KCNQ4: variants seen among roughly 807,000 people sequenced by gnomAD.
The protein encoded by KCNQ4 is potassium voltage-gated channel subfamily Q member 4.
KCNQ4 carries 31 observed loss-of-function variants against 72.6 expected under a neutral mutation model. That is an observed-to-expected ratio of 0.43 (90% CI 0.32 to 0.58). The LOEUF is 0.58. Among genes scored for constraint, KCNQ4 ranks in the 20% least tolerant of loss-of-function variants. KCNQ4 has a pLI of 0.08. For missense variants in KCNQ4, 869 were observed against 962.6 expected (o/e 0.90, Z 1.29); for synonymous variants, 405 against 403.7 (o/e 1.00, Z -0.04).
At chr1:40,799,113 C>A (rs548607682) in intron 1 of KCNQ4, among the ~76,000 whole-genome samples, 1 of 152,388 alleles carries the variant, frequency 6.6e-6, no homozygotes, top group South Asian at 2.1e-4. Context: ...GCAGCCCCAG[C>A]TCAGATCCCT....
chr1:40,833,407 T>TA (rs760155849), intron 11 of KCNQ4, among the ~76,000 whole-genome samples: 1,816 of 145,536 alleles, frequency 0.012, 31 homozygotes, highest in African/African-American at 0.043. Context: ...TGAAACTGTA[T>TA]AAAAAAAAAA....
chr1:40,794,240 G>C lies in KCNQ4; in HGVS notation c.314+9833G>C, dbSNP rs2148298128. Among the ~76,000 whole-genome samples the C allele has an allele frequency of 6.6e-6, 1 of 152,318 alleles. No homozygotes were observed. The highest frequency in any genetic ancestry group is 2.1e-4 in the South Asian group (1 of 4,824). ...CAAGACCTGCAGAGCACAGGGCCTTGATTGACAGGCTGTGGAGGTGGGCCT... is the reference window on the plus strand; with the variant it reads ...CAAGACCTGCAGAGCACAGGGCCTTCATTGACAGGCTGTGGAGGTGGGCCT... On this transcript the variant is annotated intron_variant, in intron 1 of 13. Coordinates refer to ENST00000347132, the MANE Select transcript of KCNQ4 (RefSeq NM_004700.4). The surrounding 1 kb of genome is among the most constrained non-coding windows in gnomAD (Gnocchi z 4.2).
rs1362768846 is a variant in KCNQ4 at position 40,831,292 on chromosome 1, A to C, written c.1501A>C (p.Thr501Pro). The C allele has an allele frequency of 3.1e-6, 5 of 1,597,964 alleles. No homozygotes were observed. Among genetic ancestry groups the C allele is most frequent in the Non-Finnish European group, 3.4e-6 (4 of 1,172,628 alleles). The change falls in exon 10 of 14, where the codon ACC becomes CCC. Residue 501 changes from threonine to proline, a missense_variant. This residue lies in a region of KCNQ4 where 480 missense variants were observed against 501.9 expected (regional missense o/e 0.96). Transcript: ENST00000347132. ...GGCATCTCTGAGACTCAAACCCCGC[A>C]CCTCTGCTGAGGGTAAGCCCCCGGG... ...FRASLRLKPR[T>P]SAEDAPSEEV...
At chr1:40,825,104 G>C (rs1016543776) in intron 9 of KCNQ4, among the ~76,000 whole-genome samples, 3 of 152,212 alleles carry the variant, frequency 2.0e-5, no homozygotes, top group Non-Finnish European at 2.9e-5. Context: ...CTCTTGTAGA[G>C]GTTTAGCTTT....
chr1:40,792,171 G>A (rs1417775678), intron 1 of KCNQ4, among the ~76,000 whole-genome samples: 1 of 152,168 alleles, frequency 6.6e-6, no homozygotes, highest in Non-Finnish European at 1.5e-5. Flanking sequence ...CTGTCTTTGG[G>A]TTTATTTTTT....
chr1:40,837,804 G>C lies in KCNQ4; in HGVS notation c.1875+10G>C. 1 of 1,603,712 alleles carries C rather than the reference G, an allele frequency of 6.2e-7. No individual in the cohort carries two copies. The highest frequency in any genetic ancestry group is 1.1e-5 in the South Asian group (1 of 89,124). ...CAAGGTGGAGAAGCAGGTGAGTGTAGGATGGGGTGGCGGAGCTGGCCATAC... is the reference window on the plus strand; with the variant it reads ...CAAGGTGGAGAAGCAGGTGAGTGTACGATGGGGTGGCGGAGCTGGCCATAC... On this transcript the variant is annotated intron_variant, in intron 13 of 13. Coordinates refer to ENST00000347132, the MANE Select transcript of KCNQ4 (RefSeq NM_004700.4).
At chr1:40,800,556 T>G (rs1398624633) in intron 1 of KCNQ4, among the ~76,000 whole-genome samples, 1 of 152,140 alleles carries the variant, frequency 6.6e-6, no homozygotes, top group Non-Finnish European at 1.5e-5. Context: ...CCCACCTACC[T>G]CTGCAGCAAC....
rs146458966 is a variant in KCNQ4 at position 40,795,288 on chromosome 1, G to A, written c.314+10881G>A. Among the ~76,000 whole-genome samples the A allele has an allele frequency of 9.8e-4, 142 of 144,692 alleles. 1 individual carries two copies. The highest frequency in any genetic ancestry group is 3.6e-3 in the African/African-American group (141 of 39,178). The allele number at this position is 144,692 out of a possible 152,430, so 94.9% of individuals were successfully genotyped here. ...TTTTTTTTTTTCCTTTTGAGACAGA[G>A]TCTTACTCTTTCACCCAGGCTGGAA... is the stretch of plus-strand genomic sequence containing the variant. On this transcript the variant is annotated intron_variant, in intron 1 of 13. Transcript: ENST00000347132.
rs1647187042 is a variant in KCNQ4 at position 40,784,842 on chromosome 1, C to A, written c.314+435C>A. Reference sequence around the variant, plus strand: ...CCACACGCTTCTGTCACCTGCTCCCCAGCTCTGAGCTATGAAGGGCTCCCC... The same window carrying A: ...CCACACGCTTCTGTCACCTGCTCCCAAGCTCTGAGCTATGAAGGGCTCCCC... On this transcript the variant is annotated intron_variant, in intron 1 of 13. Coordinates refer to ENST00000347132, the MANE Select transcript of KCNQ4 (RefSeq NM_004700.4). This position sits in a 1 kb window ranked among gnomAD's most constrained non-coding sequence, Gnocchi z 4.1. 6.6e-6 allele frequency among the ~76,000 whole-genome samples: 1 copy of A among 152,218 alleles called. No individual in the cohort carries two copies. The highest frequency in any genetic ancestry group is 2.4e-5 in the African/African-American group (1 of 41,460).
intron 4 of KCNQ4, 90 bp from the exon 5 acceptor site, chr1:40,819,257 G>A: frequency 6.7e-7 from 1 of 1,492,784 alleles, no homozygotes; most frequent in Non-Finnish European, 9.3e-7. Context: ...CGGGAGATGG[G>A]GGACCTTTAT....
At chr1:40,824,343 T>C in intron 9 of KCNQ4, 85 bp downstream of exon 9, 4 of 1,447,520 alleles carry the variant, frequency 2.8e-6, no homozygotes, top group Non-Finnish European at 2.8e-6. Flanking sequence ...CAGACCTGCC[T>C]TCAGCCACTT....
At chr1:40,838,123 G>T (rs938576815) in intron 13 of KCNQ4, among the ~76,000 whole-genome samples, 188 bp from the exon 14 acceptor site, 4 of 152,054 alleles carry the variant, frequency 2.6e-5, no homozygotes, top group African/African-American at 9.7e-5. Context: ...CCACCCCCCG[G>T]GTTATGCACC....
intron 1 of KCNQ4, among the ~76,000 whole-genome samples, chr1:40,786,092 G>A (rs1647199789): frequency 6.6e-6 from 1 of 152,056 alleles, no homozygotes; most frequent in Non-Finnish European, 1.5e-5. Flanking sequence ...GGCTGGTGGA[G>A]TTGGGGGTGA....
Position 40,822,420 on chromosome 1 carries a change from TGG to T in KCNQ4, c.1130+22_1130+23del. ...TCCTTCAGGTAGGTCCTGCTGGGGGTGGGGGTGGGTGGGGGGCTGGCAGCAAT... is the reference window on the plus strand; with the variant it reads ...TCCTTCAGGTAGGTCCTGCTGGGGGTGGGTGGGTGGGGGGCTGGCAGCAAT... On this transcript the variant is annotated intron_variant, in intron 8 of 13. Transcript: ENST00000347132. The T allele has an allele frequency of 1.4e-5, 2 of 141,706 alleles. No individual in the cohort carries two copies. Among genetic ancestry groups the T allele is most frequent in the Non-Finnish European group, 2.9e-5 (2 of 69,134 alleles). 8.8% of individuals were successfully genotyped at this position (141,706 alleles called of 1,614,324 possible). A position where few individuals can be genotyped will look rare whatever the true frequency, so the allele number is the denominator to read the frequency against.
At position 40,839,203 on chromosome 1, in the gene KCNQ4, T is replaced by G; in HGVS notation, c.*680T>G. On this transcript the variant is annotated 3_prime_UTR_variant, in exon 14 of 14. Coordinates refer to ENST00000347132, the MANE Select transcript of KCNQ4 (RefSeq NM_004700.4). ...TTCCCCTCCCAGCATGGGGCCTGTT[T>G]CTCCCCTGCCCTCTCCTAAGGGCAA... is the stretch of plus-strand genomic sequence containing the variant. 1 of 153,928 alleles carries G rather than the reference T, an allele frequency of 6.5e-6. No individual in the cohort carries two copies. The highest frequency in any genetic ancestry group is 1.4e-5 in the Non-Finnish European group (1 of 69,202). The allele number at this position is 153,928 out of a possible 1,614,324, so 9.5% of individuals were successfully genotyped here.
At chr1:40,791,791 T>A (rs1479088501) in intron 1 of KCNQ4, among the ~76,000 whole-genome samples, 2 of 152,000 alleles carry the variant, frequency 1.3e-5, no homozygotes, top group Non-Finnish European at 2.9e-5. Flanking sequence ...TGGAAATAAA[T>A]GGAGCATGGT....
chr1:40,837,651 T>G lies in KCNQ4; in HGVS notation c.1746-14T>G. The G allele has an allele frequency of 6.2e-7, 1 of 1,611,370 alleles. No homozygotes were observed. Among genetic ancestry groups the G allele is most frequent in the Non-Finnish European group, 8.5e-7 (1 of 1,178,584 alleles). ...GCGTGTCCCCGGGCCCTCTGATGGT[T>G]CCCTTACCCTTAGGGTGGACCAAAT... On this transcript the variant is annotated splice_polypyrimidine_tract_variant and intron_variant, in intron 12 of 13. Transcript: ENST00000347132.
intron 1 of KCNQ4, among the ~76,000 whole-genome samples, chr1:40,799,655 C>T (rs1189545114): frequency 2.0e-5 from 3 of 152,176 alleles, no homozygotes; most frequent in Admixed American, 6.5e-5. Flanking sequence ...GAGCACTCAC[C>T]ACCTCCTGGT....
intron 12 of KCNQ4, among the ~76,000 whole-genome samples, chr1:40,837,091 CTTT>C (rs370300997): frequency 3.2e-5 from 3 of 93,076 alleles, no homozygotes; most frequent in African/African-American, 6.1e-5. Context: ...CTTTTCTTTT[CTTT>C]TTTTTTTTTT....
Sources: allele counts gnomAD v4.1 joint callset (sites outside exome capture counted in the v4.1 genomes callset), GRCh38; gene constraint gnomAD v4.1.1; regional missense constraint gnomAD v4.1.1; non-coding constraint Gnocchi (gnomAD v3.1); transcripts MANE v1.5; gene names NCBI Gene and HGNC (gene_info 2026-07-23, HGNC 2026-07-21).